Variants in MAZ observed in about 807,000 individuals in gnomAD.
The protein encoded by MAZ is MYC associated zinc finger protein.
Under a neutral mutation model 32.7 loss-of-function variants are expected in MAZ, and 4 were observed. The ratio of observed to expected loss-of-function variants is 0.12; its 90% CI spans 0.06 to 0.28. MAZ has a LOEUF of 0.28. MAZ is among the 10% of genes least tolerant of loss of function. The pLI, the probability that MAZ is intolerant of heterozygous loss-of-function variation, is 1.00. For synonymous variants in MAZ, 510 were observed against 297.6 expected (o/e 1.71, Z -7.35); for missense variants, 763 against 667.2 (o/e 1.14, Z -1.58).
Position 29,807,318 on chromosome 16 carries a change from C to G in MAZ, c.533C>G (p.Ser178Cys), listed in dbSNP as rs1899567467. 2 of 1,603,268 alleles carry G rather than the reference C, an allele frequency of 1.2e-6. No homozygotes were observed. The highest frequency in any genetic ancestry group is 1.7e-5 in the Admixed American group (1 of 58,868). ...TSTVAVAPVA[S>C]ALEKKTKSKG... ...ACGGTCGCCGTGGCCCCGGTCGCGT[C>G]TGCCTTGGAGAAGAAGACAAAGAGC... The change falls in exon 2 of 5, where the codon TCT becomes TGT. Residue 178 changes from serine to cysteine, a missense_variant. Coordinates refer to ENST00000322945, the MANE Select transcript of MAZ (RefSeq NM_002383.4).
chr16:29,809,690 G>T, intron 4 of MAZ: 2 of 1,528,218 alleles, frequency 1.3e-6, no homozygotes, highest in East Asian at 2.3e-5. Flanking sequence ...CATCTGGGGG[G>T]GGCCGCCCCC....
rs904863794 is a variant in MAZ, at chr16:29,809,005, G to T, written c.1279+264G>T. 6 of 557,988 alleles carry T rather than the reference G, an allele frequency of 1.1e-5. No homozygotes were observed. In the Admixed American group the frequency reaches 2.1e-4, roughly 19 times the overall value. The allele number at this position is 557,988 out of a possible 1,614,324, so 34.6% of individuals were successfully genotyped here. On this transcript the variant is annotated intron_variant, in intron 4 of 4. Coordinates refer to ENST00000322945, the MANE Select transcript of MAZ (RefSeq NM_002383.4). ...GCGGGAGTGGAACTTGGCTGCTCTG[G>T]GGAAGGAGTAGTCAAGAAAGCCAGT...
rs769894840 is a variant in MAZ at position 29,808,630 on chromosome 16, G to A, written c.1168G>A (p.Glu390Lys). The change falls in exon 4 of 5, where the codon GAG becomes AAG. Residue 390 changes from glutamate (E) to lysine (K), a missense_variant. By Grantham distance (56) the Glu-to-Lys change is moderately conservative (BLOSUM62 1). Coordinates refer to ENST00000322945, the MANE Select transcript of MAZ (RefSeq NM_002383.4). Reference protein sequence around the residue: ...RLRAHTVRHEEKVPCHVCGKM... With the variant: ...RLRAHTVRHEKKVPCHVCGKM... ...GCGGGCGCACACAGTACGACACGAG[G>A]AGAAAGTGCCATGTCACGTGTGTGG... 1 of 1,613,762 alleles carries A rather than the reference G, an allele frequency of 6.2e-7. No homozygotes were observed. Among genetic ancestry groups the A allele is most frequent in the Non-Finnish European group, 8.5e-7 (1 of 1,179,986 alleles).
At position 29,810,427 on chromosome 16, in the gene MAZ, G is replaced by T; in HGVS notation, c.*196G>T. ...TGTTTCTCCTGCTCCTCTTCTGTCA[G>T]ACCTGACCCCACACAAACCTGTCCC... is the stretch of plus-strand genomic sequence containing the variant. On this transcript the variant is annotated 3_prime_UTR_variant, in exon 5 of 5. Transcript: ENST00000322945. The T allele has an allele frequency of 1.4e-6, 1 of 731,564 alleles. No individual in the cohort carries two copies. Among genetic ancestry groups the T allele is most frequent in the Non-Finnish European group, 2.4e-6 (1 of 411,294 alleles). The allele number at this position is 731,564 out of a possible 1,614,324, so 45.3% of individuals were successfully genotyped here. A position where few individuals can be genotyped will look rare whatever the true frequency, so the allele number is the denominator to read the frequency against.
In MAZ at chr16:29,807,370, C is replaced by T. The variant is rs369693841; in HGVS notation, c.585C>T (p.Cys195=). The part of the protein sequence containing the change: ...KSKGPYICAL[C]AKEFKNGYNL... Reference sequence around the variant, plus strand: ...AGGGGCCCTACATCTGCGCTCTGTGCGCCAAGGAGTTCAAGAACGGCTACA... The same window carrying T: ...AGGGGCCCTACATCTGCGCTCTGTGTGCCAAGGAGTTCAAGAACGGCTACA... Residue 195 remains cysteine, a synonymous_variant, in exon 2 of 5, where the codon TGC becomes TGT. Coordinates refer to ENST00000322945, the MANE Select transcript of MAZ (RefSeq NM_002383.4). The T allele has an allele frequency of 2.3e-4, 363 of 1,612,242 alleles. No individual in the cohort carries two copies. Among genetic ancestry groups the T allele is most frequent in the Non-Finnish European group, 2.9e-4 (343 of 1,179,724 alleles).
chr16:29,808,931 A>T, intron 4 of MAZ, 190 bp downstream of exon 4: 1 of 600,742 alleles, frequency 1.7e-6, no homozygotes, highest in East Asian at 2.9e-5. Flanking sequence ...CCTGGTTGGA[A>T]GAGATGATCT....
Position 29,807,346 on chromosome 16 carries a change from GGGGCCCTACATC to G in MAZ, c.562_573del (p.Gly188_Ile191del). On this transcript the variant is annotated inframe_deletion, in exon 2 of 5. Transcript: ENST00000322945. ...CCTTGGAGAAGAAGACAAAGAGCAA[GGGGCCCTACATC>G]TGCGCTCTGTGCGCCAAGGAGTTCA... 6.2e-7 allele frequency: 1 copy of G among 1,611,870 alleles called. No homozygotes were observed. The highest frequency in any genetic ancestry group is 8.5e-7 in the Non-Finnish European group (1 of 1,179,516).
At position 29,810,663 on chromosome 16, in the gene MAZ, T is replaced by G; in HGVS notation, c.*432T>G. The G allele has an allele frequency of 6.8e-6, 1 of 146,828 alleles. No individual in the cohort carries two copies. The highest frequency in any genetic ancestry group is 1.4e-4 in the South Asian group (1 of 7,084). The allele number at this position is 146,828 out of a possible 1,614,324, so 9.1% of individuals were successfully genotyped here. A position where few individuals can be genotyped will look rare whatever the true frequency, so the allele number is the denominator to read the frequency against. On this transcript the variant is annotated 3_prime_UTR_variant, in exon 5 of 5. Transcript: ENST00000322945. ...CCGGGGAGTTGGTGCTTTCTTTTCC[T>G]TTTTTTTTTTTTTCCAGGGGGAGGG...
In MAZ at chr16:29,810,691, G is replaced by A; in HGVS notation, c.*460G>A. 1 of 473,312 alleles carries A rather than the reference G, an allele frequency of 2.1e-6. No individual in the cohort carries two copies. Among genetic ancestry groups the A allele is most frequent in the Non-Finnish European group, 3.9e-6 (1 of 257,932 alleles). The allele number at this position is 473,312 out of a possible 1,614,324, so 29.3% of individuals were successfully genotyped here. A position where few individuals can be genotyped will look rare whatever the true frequency, so the allele number is the denominator to read the frequency against. The stretch of plus-strand genomic sequence containing the variant: ...TTTTTTTTTTTCCAGGGGGAGGGAG[G>A]AGAGGAAGGAGGGGGATCAGAGCTG... On this transcript the variant is annotated 3_prime_UTR_variant, in exon 5 of 5. Transcript: ENST00000322945.
In MAZ at chr16:29,806,670, TGAGCCCC is replaced by T; in HGVS notation, c.-30_-24del. On this transcript the variant is annotated 5_prime_UTR_variant, in exon 1 of 5. An upstream open reading frame in the 5' UTR loses its in-frame stop. Transcript: ENST00000322945. ...CGCGGCCCGCGCCCCCGGCCCCCGCTGAGCCCCGGGGGCCCCGCTGCGGCCGAGGCCA... is the reference window on the plus strand; with the variant it reads ...CGCGGCCCGCGCCCCCGGCCCCCGCTGGGGGCCCCGCTGCGGCCGAGGCCA... The T allele has an allele frequency of 2.9e-6, 3 of 1,041,900 alleles. No homozygotes were observed. The highest frequency in any genetic ancestry group is 2.3e-6 in the Non-Finnish European group (2 of 863,464). The allele number at this position is 1,041,900 out of a possible 1,614,324, so 64.5% of individuals were successfully genotyped here.
In MAZ at chr16:29,810,120, G is replaced by T; in HGVS notation, c.1323G>T (p.Ala441=). The change falls in exon 5 of 5, where the codon GCG becomes GCT. Residue 441 remains alanine (A), a synonymous_variant. Transcript: ENST00000322945. ...VCPMAAAAAA[A]AAAAAAAVAA... The stretch of plus-strand genomic sequence containing the variant: ...CAATGGCGGCGGCAGCGGCAGCGGC[G>T]GCAGCGGCAGCAGCGGCAGCAGTAG... The T allele has an allele frequency of 2.5e-6, 4 of 1,598,240 alleles. No individual in the cohort carries two copies. The highest frequency in any genetic ancestry group is 3.4e-6 in the Non-Finnish European group (4 of 1,172,472).
At chr16:29,809,496 C>T (rs747987702) in intron 4 of MAZ, 14 of 1,295,026 alleles carry the variant, frequency 1.1e-5, no homozygotes, top group Non-Finnish European at 1.6e-5. Flanking sequence ...TCTGGGGTCT[C>T]CGCCTGGCTG....
At chr16:29,806,186 AACTC>A, upstream of MAZ, 1 of 634,302 alleles carries the variant, frequency 1.6e-6, no homozygotes, top group Non-Finnish European at 2.2e-6. Context: ...TCCAGGTAAC[AACTC>A]CCTCCCCCCG....
At position 29,811,127 on chromosome 16, in the gene MAZ, C is replaced by T. The variant is rs888350880; in HGVS notation, c.*896C>T. The T allele has an allele frequency of 3.8e-5, 17 of 444,140 alleles. No homozygotes were observed. Among genetic ancestry groups the T allele is most frequent in the Non-Finnish European group, 7.7e-5 (17 of 221,872 alleles). The allele number at this position is 444,140 out of a possible 1,614,324, so 27.5% of individuals were successfully genotyped here. ...CCCCACCCTCCACCCCTTCCTTTTG[C>T]GCGGACCCCATTACAATAAATTTTA... On this transcript the variant is annotated 3_prime_UTR_variant, in exon 5 of 5. Coordinates refer to ENST00000322945, the MANE Select transcript of MAZ (RefSeq NM_002383.4).
At chr16:29,806,168 C>T (rs1464147891), upstream of MAZ, 4 of 1,200,974 alleles carry the variant, frequency 3.3e-6, no homozygotes, top group Non-Finnish European at 4.4e-6. Context: ...ACTGGAGCAG[C>T]TTCATCTTCC....
upstream of MAZ, chr16:29,806,189 T>TGGCGG: frequency 1.8e-6 from 1 of 561,072 alleles, no homozygotes; most frequent in Non-Finnish European, 2.5e-6. Context: ...AGGTAACAAC[T>TGGCGG]CCCTCCCCCC....
At chr16:29,809,695 G>A (rs1432491183) in intron 4 of MAZ, 16 of 1,506,490 alleles carry the variant, frequency 1.1e-5, no homozygotes, top group Admixed American at 6.5e-5. Flanking sequence ...GGGGGGGGCC[G>A]CCCCCCCTGT....
Position 29,807,320 on chromosome 16 carries a change from G to T in MAZ, c.535G>T (p.Ala179Ser). 1 of 1,606,198 alleles carries T rather than the reference G, an allele frequency of 6.2e-7. No homozygotes were observed. Among genetic ancestry groups the T allele is most frequent in the Non-Finnish European group, 8.5e-7 (1 of 1,177,132 alleles). Reference protein sequence around the residue: ...STVAVAPVASALEKKTKSKGP... With the variant: ...STVAVAPVASSLEKKTKSKGP... Reference sequence around the variant, plus strand: ...GGTCGCCGTGGCCCCGGTCGCGTCTGCCTTGGAGAAGAAGACAAAGAGCAA... The same window carrying T: ...GGTCGCCGTGGCCCCGGTCGCGTCTTCCTTGGAGAAGAAGACAAAGAGCAA... The change falls in exon 2 of 5, where the codon GCC becomes TCC. Residue 179 changes from alanine to serine, a missense_variant. Ala to Ser is a moderately conservative substitution (Grantham distance 99). Coordinates refer to ENST00000322945, the MANE Select transcript of MAZ (RefSeq NM_002383.4).
chr16:29,809,406 C>T lies in MAZ; in HGVS notation c.1279+665C>T, dbSNP rs958009225. On this transcript the variant is annotated intron_variant, in intron 4 of 4. Transcript: ENST00000322945. ...TACCAGCCCCAACAGAGCAGTTGGC[C>T]CCAGGCTACCAAGGATACCGTGGGA... 2.0e-4 allele frequency: 130 copies of T among 661,016 alleles called. No homozygotes were observed. The African/African-American group carries it at 2.1e-3, about 11-fold the overall frequency. 40.9% of individuals were successfully genotyped at this position (661,016 alleles called of 1,614,324 possible).
Sources: allele counts gnomAD v4.1 joint callset, GRCh38; gene constraint gnomAD v4.1.1; transcripts MANE v1.5; gene names NCBI Gene and HGNC (gene_info 2026-07-23, HGNC 2026-07-21).